The following SNTG2 variants were observed in gnomAD, a reference collection of about 807,000 sequenced individuals.
SNTG2 encodes the protein gamma-2-syntrophin.
SNTG2 carries 74 observed loss-of-function variants against 70.9 expected under a neutral mutation model. The observed-to-expected ratio is 1.04, with a 90% CI of 0.86 to 1.27. SNTG2 has a LOEUF of 1.27. SNTG2 is among the 50% of genes most tolerant of loss of function. The pLI is 0.00. For synonymous variants in SNTG2, 278 were observed against 273.8 expected (o/e 1.02, Z -0.15); for missense variants, 717 against 690.7 (o/e 1.04, Z -0.43).
chr2:1,266,916 G>C (rs1265023306), intron 13 of SNTG2, among the ~76,000 whole-genome samples: 1 of 151,856 alleles, frequency 6.6e-6, no homozygotes, highest in Admixed American at 6.6e-5. Context: ...GCCACACCTG[G>C]CTAATTTGTT....
intron 6 of SNTG2, among the ~76,000 whole-genome samples, chr2:1,140,424 C>G (rs1668668322): frequency 6.6e-6 from 1 of 152,086 alleles, no homozygotes; most frequent in East Asian, 1.9e-4. Flanking sequence ...AAAGGGAGAT[C>G]GATGACGGCT....
intron 14 of SNTG2, among the ~76,000 whole-genome samples, chr2:1,275,347 C>T (rs1679225094): frequency 6.6e-6 from 1 of 152,216 alleles, no homozygotes; most frequent in African/African-American, 2.4e-5. Flanking sequence ...CTGCAGTAAG[C>T]AAATCTATCA....
At chr2:1,051,513 C>A (rs966167849) in intron 1 of SNTG2, among the ~76,000 whole-genome samples, 2 of 152,162 alleles carry the variant, frequency 1.3e-5, no homozygotes, top group African/African-American at 4.8e-5. Flanking sequence ...GGTATTCACT[C>A]CCCTGTGCAA....
chr2:1,048,620 A>G (rs954624284), intron 1 of SNTG2, among the ~76,000 whole-genome samples: 4 of 152,152 alleles, frequency 2.6e-5, no homozygotes, highest in Non-Finnish European at 5.9e-5. Context: ...GTTGTAGTAG[A>G]TGACACTTTA....
chr2:1,249,174 T>C (rs1260813786), intron 12 of SNTG2, among the ~76,000 whole-genome samples: 1 of 152,232 alleles, frequency 6.6e-6, no homozygotes, highest in Non-Finnish European at 1.5e-5. Context: ...ATTTTAGTGA[T>C]GAGTGGCAAG....
At position 1,294,905 on chromosome 2, in the gene SNTG2, A is replaced by C. The variant is rs73908822; in HGVS notation, c.1285-13589A>C. On this transcript the variant is annotated intron_variant, in intron 14 of 16. Coordinates refer to ENST00000308624, the MANE Select transcript of SNTG2 (RefSeq NM_018968.4). The stretch of plus-strand genomic sequence containing the variant: ...AAACCACTCGCTAACATAACACTCT[A>C]CAGTTTACAGCCCAGGCACCCAGAG... 2.0e-5 allele frequency among the ~76,000 whole-genome samples: 3 copies of C among 152,342 alleles called. No homozygotes were observed. The South Asian group carries it at 6.2e-4, about 32-fold the overall frequency.
At chr2:974,270 G>A (rs1455453568) in intron 1 of SNTG2, among the ~76,000 whole-genome samples, 4 of 152,140 alleles carry the variant, frequency 2.6e-5, no homozygotes, top group Non-Finnish European at 4.4e-5. Context: ...GAGCCATGGC[G>A]CTGGAGAGCT....
intron 1 of SNTG2, among the ~76,000 whole-genome samples, chr2:1,054,780 A>G (rs1033651575): frequency 2.0e-5 from 3 of 152,262 alleles, no homozygotes; most frequent in Admixed American, 6.5e-5. Flanking sequence ...TCAAAGAGGT[A>G]CATTTTCAAA....
intron 1 of SNTG2, among the ~76,000 whole-genome samples, chr2:1,066,608 G>A (rs115044762): frequency 0.018 from 2,795 of 152,044 alleles, 29 homozygotes; most frequent in African/African-American, 0.035. Flanking sequence ...CACTGAGCTG[G>A]TCATCACTGG....
At chr2:1,346,994 C>G (rs900513692) in intron 16 of SNTG2, among the ~76,000 whole-genome samples, 2 of 151,760 alleles carry the variant, frequency 1.3e-5, no homozygotes, top group East Asian at 3.9e-4. Context: ...TCAACCACAT[C>G]ATACAGATTA....
At chr2:1,234,767 A>C (rs1676496348) in intron 9 of SNTG2, among the ~76,000 whole-genome samples, 1 of 148,224 alleles carries the variant, frequency 6.7e-6, no homozygotes, top group Non-Finnish European at 1.5e-5. Flanking sequence ...AGGGTCCTTC[A>C]TGGAGCCTGG....
chr2:1,340,252 C>T (rs1038291740), intron 16 of SNTG2, among the ~76,000 whole-genome samples: 1 of 152,074 alleles, frequency 6.6e-6, no homozygotes, highest in Non-Finnish European at 1.5e-5. Context: ...ACCGAGATGC[C>T]GGTTGTTATT....
At chr2:1,253,498 A>G (rs1340257327) in intron 12 of SNTG2, among the ~76,000 whole-genome samples, 3 of 152,204 alleles carry the variant, frequency 2.0e-5, no homozygotes. Context: ...TTCGATTCTC[A>G]GCAGTCTACG....
intron 1 of SNTG2, among the ~76,000 whole-genome samples, chr2:1,023,996 G>T (rs1423049895): frequency 6.6e-6 from 1 of 152,154 alleles, no homozygotes; most frequent in African/African-American, 2.4e-5. Flanking sequence ...TAGAACAGGG[G>T]TTGGCGAACC....
chr2:1,115,126 G>A (rs1456821171), intron 4 of SNTG2, among the ~76,000 whole-genome samples: 2 of 151,306 alleles, frequency 1.3e-5, no homozygotes, highest in African/African-American at 4.8e-5. Flanking sequence ...ACTAAATCAG[G>A]TTTAACCCTT....
chr2:1,265,196 T>C (rs1006835836), intron 13 of SNTG2, among the ~76,000 whole-genome samples: 1 of 152,234 alleles, frequency 6.6e-6, no homozygotes, highest in Non-Finnish European at 1.5e-5. Flanking sequence ...ATGATGAACA[T>C]GTTGTTCTTG....
Position 1,295,311 on chromosome 2 carries a change from G to A in SNTG2, c.1285-13183G>A, listed in dbSNP as rs78702373. Among the ~76,000 whole-genome samples, 702 of 152,284 alleles carry A rather than the reference G, an allele frequency of 4.6e-3. 5 individuals carry two copies. Among genetic ancestry groups the A allele is most frequent in the African/African-American group, 0.015 (640 of 41,560 alleles). Reference sequence around the variant, plus strand: ...AGGATCCGCCTCCTGTCTTCTCCCCGTTCACTCTGAGGGAACTCTCTTCCC... The same window carrying A: ...AGGATCCGCCTCCTGTCTTCTCCCCATTCACTCTGAGGGAACTCTCTTCCC... On this transcript the variant is annotated intron_variant, in intron 14 of 16. Transcript: ENST00000308624.
intron 1 of SNTG2, among the ~76,000 whole-genome samples, chr2:975,311 A>G (rs1457058110): frequency 1.3e-5 from 2 of 152,006 alleles, no homozygotes; most frequent in Non-Finnish European, 1.5e-5. Context: ...AGCAAACACT[A>G]TACATTTGCA....
intron 1 of SNTG2, among the ~76,000 whole-genome samples, chr2:1,046,922 A>C (rs1444591911): frequency 6.6e-6 from 1 of 152,064 alleles, no homozygotes; most frequent in African/African-American, 2.4e-5. Flanking sequence ...AGAATGGGGA[A>C]ATTTTTGTTG....
Sources: gnomAD v4.1 joint callset for allele counts (sites outside exome capture counted in the v4.1 genomes callset) on GRCh38, gnomAD v4.1.1 for gene constraint, MANE v1.5 for transcripts, NCBI Gene and HGNC (gene_info 2026-07-23, HGNC 2026-07-21) for gene names.